SPATS2: variants seen among roughly 807,000 people sequenced by gnomAD.
SPATS2 encodes the protein spermatogenesis-associated serine-rich protein 2.
SPATS2 carries 38 observed loss-of-function variants against 63.7 expected under a neutral mutation model. The observed-to-expected ratio is 0.60, with a 90% CI of 0.46 to 0.78. The LOEUF is 0.78. Among genes scored for constraint, SPATS2 ranks in the 30% least tolerant of loss-of-function variants. The pLI, the probability that SPATS2 is intolerant of heterozygous loss-of-function variation, is 0.00. For synonymous variants in SPATS2, 207 were observed against 232.9 expected (o/e 0.89, Z 1.01); for missense variants, 588 against 666.2 (o/e 0.88, Z 1.29).
At chr12:49,370,113 G>A (rs890260759) in intron 1 of SPATS2, among the ~76,000 whole-genome samples, 5 of 152,174 alleles carry the variant, frequency 3.3e-5, no homozygotes, top group Admixed American at 3.3e-4. Context: ...TATTCCAGGC[G>A]CTGAACTCAG....
At chr12:49,387,012 A>G (rs1272606636) in intron 2 of SPATS2, 1 of 152,164 alleles carries the variant, frequency 6.6e-6, no homozygotes. Context: ...GGGTAATAGA[A>G]TTTTTATAGG....
intron 4 of SPATS2, 141 bp downstream of exon 4, chr12:49,484,810 G>A (rs1946261972): frequency 6.0e-6 from 4 of 669,632 alleles, no homozygotes; most frequent in Non-Finnish European, 1.0e-5. Flanking sequence ...GAGAGTGACG[G>A]CCATAAATAG....
intron 9 of SPATS2, among the ~76,000 whole-genome samples, chr12:49,505,292 C>G (rs1478774418): frequency 1.3e-5 from 2 of 152,050 alleles, no homozygotes; most frequent in Admixed American, 1.3e-4. Flanking sequence ...CTAAATCATT[C>G]TTTGGTTTTT....
Position 49,438,790 on chromosome 12 carries a change from C to CTTCA in SPATS2, c.-243-21959_-243-21956dup, listed in dbSNP as rs554805108. Among the ~76,000 whole-genome samples the CTTCA allele has an allele frequency of 6.3e-3, 953 of 152,176 alleles. 5 individuals are homozygous for CTTCA. The highest frequency in any genetic ancestry group is 0.01 in the Middle Eastern group (3 of 294). ...TATAACCCTCATGATCAGGAGTACT[C>CTTCA]TTCATTCATTCATTCATTCATTCAG... On this transcript the variant is annotated intron_variant, in intron 2 of 13. Coordinates refer to ENST00000552918, the MANE Select transcript of SPATS2 (RefSeq NM_023071.4).
chr12:49,496,717 T>A, intron 7 of SPATS2, 116 bp from the exon 8 acceptor site: 3 of 997,902 alleles, frequency 3.0e-6, no homozygotes. Flanking sequence ...TTGTTTACAG[T>A]CTTTTAAGAG....
At chr12:49,371,732 G>A (rs544102544) in intron 2 of SPATS2, among the ~76,000 whole-genome samples, 203 of 152,256 alleles carry the variant, frequency 1.3e-3, no homozygotes, top group African/African-American at 4.5e-3. Flanking sequence ...TAGGTGGCTG[G>A]AGCAGGAGGA....
chr12:49,398,156 A>AAAG (rs1555179687), intron 2 of SPATS2, among the ~76,000 whole-genome samples: 5 of 142,944 alleles, frequency 3.5e-5, no homozygotes, highest in African/African-American at 1.1e-4. Flanking sequence ...AAAAAAAAAA[A>AAAG]AAAAGAAAAG....
At chr12:49,388,905 G>A (rs936244207) in intron 2 of SPATS2, among the ~76,000 whole-genome samples, 1 of 151,952 alleles carries the variant, frequency 6.6e-6, no homozygotes, top group African/African-American at 2.4e-5. Flanking sequence ...TGTTGGCCAG[G>A]CTGGTCTTGA....
In SPATS2 at chr12:49,494,786, A is replaced by G. The variant is rs756464629; in HGVS notation, c.310A>G (p.Asn104Asp). The G allele has an allele frequency of 6.2e-7, 1 of 1,610,658 alleles. No individual in the cohort carries two copies. The highest frequency in any genetic ancestry group is 2.2e-5 in the East Asian group (1 of 44,796). ...ACCGAAACCTGCCGCAGAACCAAGT[A>G]ACGGCATCCCAGATTCCAGTAAATC... Reference protein sequence around the residue: ...NKPKPAAEPSNGIPDSSKSVS... With the variant: ...NKPKPAAEPSDGIPDSSKSVS... The change falls in exon 7 of 14, where the codon AAC becomes GAC. Residue 104 changes from asparagine (N) to aspartate (D), a missense_variant. Physicochemically the swap from Asn to Asp is conservative, Grantham distance 23. Coordinates refer to ENST00000552918, the MANE Select transcript of SPATS2 (RefSeq NM_023071.4).
At chr12:49,453,431 G>A (rs1049398380) in intron 2 of SPATS2, among the ~76,000 whole-genome samples, 1 of 152,120 alleles carries the variant, frequency 6.6e-6, no homozygotes, top group Admixed American at 6.6e-5. Context: ...GACTAAATCT[G>A]TGGAATCTTT....
intron 3 of SPATS2, among the ~76,000 whole-genome samples, chr12:49,465,934 A>C (rs1247224268): frequency 6.6e-6 from 1 of 151,176 alleles, no homozygotes; most frequent in East Asian, 1.9e-4. Context: ...ACAGTGTGAG[A>C]CTCCATCTCA....
chr12:49,497,415 G>C (rs1386212303), intron 8 of SPATS2, among the ~76,000 whole-genome samples: 2 of 145,740 alleles, frequency 1.4e-5, no homozygotes, highest in Non-Finnish European at 3.0e-5. Context: ...TTTCCCCCGA[G>C]ACTGAGTCTC....
chr12:49,461,598 A>C (rs1945823579), intron 3 of SPATS2, among the ~76,000 whole-genome samples: 1 of 152,230 alleles, frequency 6.6e-6, no homozygotes, highest in African/African-American at 2.4e-5. Flanking sequence ...ACAGCACTAG[A>C]ACTATTGTAC....
intron 2 of SPATS2, among the ~76,000 whole-genome samples, chr12:49,454,695 C>A (rs933322016): frequency 1.8e-4 from 27 of 152,060 alleles, no homozygotes; most frequent in African/African-American, 6.3e-4. Flanking sequence ...CCAGACTGGG[C>A]AACATGGTGA....
chr12:49,489,549 A>G lies in SPATS2; in HGVS notation c.190A>G (p.Lys64Glu). ...GCAGCACTTTGATAACTGTGTGGACAAAACAGTACAAGCATTCATGGAAGG... is the reference window on the plus strand; with the variant it reads ...GCAGCACTTTGATAACTGTGTGGACGAAACAGTACAAGCATTCATGGAAGG... ...VLQHFDNCVD[K>E]TVQAFMEGSA... The change falls in exon 5 of 14, where the codon AAA (lysine) becomes GAA (glutamate). Residue 64 changes from lysine to glutamate, a missense_variant. Coordinates refer to ENST00000552918, the MANE Select transcript of SPATS2 (RefSeq NM_023071.4). The G allele has an allele frequency of 1.2e-6, 2 of 1,613,620 alleles. No homozygotes were observed. The highest frequency in any genetic ancestry group is 1.1e-5 in the South Asian group (1 of 91,000).
intron 2 of SPATS2, among the ~76,000 whole-genome samples, chr12:49,425,094 T>C (rs1945050428): frequency 6.6e-6 from 1 of 152,212 alleles, no homozygotes; most frequent in Admixed American, 6.5e-5. Context: ...AATTACACCC[T>C]GTGATACATT....
intron 2 of SPATS2, among the ~76,000 whole-genome samples, chr12:49,444,635 C>T (rs185784986): frequency 1.3e-5 from 2 of 152,166 alleles, no homozygotes; most frequent in East Asian, 3.9e-4. Flanking sequence ...TGGAGTTTCG[C>T]TCTAGTTGTC....
chr12:49,522,791 G>C lies in SPATS2; in HGVS notation c.1049G>C (p.Arg350Pro), dbSNP rs1270631876. Reference protein sequence around the residue: ...SERKYDEDLGRVARFTCDVET... With the variant: ...SERKYDEDLGPVARFTCDVET... ...CGTAAATATGATGAGGATCTGGGAC[G>C]AGTAGCCCGGTTCACCTGTGATGTA... The change falls in exon 12 of 14, where the codon CGA (arginine) becomes CCA (proline). Residue 350 changes from arginine to proline, a missense_variant. Coordinates refer to ENST00000552918, the MANE Select transcript of SPATS2 (RefSeq NM_023071.4). The C allele has an allele frequency of 2.5e-6, 4 of 1,613,676 alleles. No individual in the cohort carries two copies. In the African/African-American group the frequency reaches 5.3e-5, roughly 22 times the overall value.
At chr12:49,461,287 C>T in intron 3 of SPATS2, 5 of 471,860 alleles carry the variant, frequency 1.1e-5, no homozygotes, top group South Asian at 2.8e-5. Context: ...GAATACTGAA[C>T]ATATGTTAGG....
Sources: allele counts gnomAD v4.1 joint callset (sites outside exome capture counted in the v4.1 genomes callset), GRCh38; gene constraint gnomAD v4.1.1; transcripts MANE v1.5; gene names NCBI Gene and HGNC (gene_info 2026-07-23, HGNC 2026-07-21).